The following LRRTM4 variants were observed in gnomAD, a reference collection of about 807,000 sequenced individuals.
LRRTM4 encodes leucine-rich repeat transmembrane neuronal protein 4.
Under a neutral mutation model 47.6 loss-of-function variants are expected in LRRTM4, and 25 were observed. The ratio of observed to expected loss-of-function variants is 0.53; its 90% CI spans 0.38 to 0.73. LRRTM4 has a LOEUF of 0.73. Among genes scored for constraint, LRRTM4 ranks in the 30% least tolerant of loss-of-function variants. The pLI is 0.00. For missense variants in LRRTM4, 638 were observed against 713.4 expected (o/e 0.89, Z 1.20); for synonymous variants, 311 against 269.5 (o/e 1.15, Z -1.51).
intron 3 of LRRTM4, among the ~76,000 whole-genome samples, chr2:76,855,271 T>A (rs1348461094): frequency 4.6e-5 from 7 of 152,186 alleles, no homozygotes; most frequent in Non-Finnish European, 8.8e-5. Context: ...CTGAAATAAC[T>A]GAAGAAAAGT....
In LRRTM4 at chr2:76,787,731, T is replaced by C. The variant is rs1047767932; in HGVS notation, c.1552-38815A>G. ...TATCCCATGGGACTTGTTTTGCAAC[T>C]ATGAAAAGAAATTCTTATCTAAAAA... is the stretch of plus-strand genomic sequence containing the variant. On this transcript the variant is annotated intron_variant, in intron 3 of 3. Coordinates refer to ENST00000409884, the MANE Select transcript of LRRTM4 (RefSeq NM_001134745.3). Among the ~76,000 whole-genome samples, 5 of 152,214 alleles carry C rather than the reference T, an allele frequency of 3.3e-5. No homozygotes were observed. In the South Asian group the frequency reaches 6.2e-4, roughly 19 times the overall value.
intron 3 of LRRTM4, among the ~76,000 whole-genome samples, chr2:76,785,047 G>C (rs1006018498): frequency 1.3e-5 from 2 of 152,030 alleles, no homozygotes; most frequent in Non-Finnish European, 2.9e-5. Flanking sequence ...TAATATGACT[G>C]TATGAACATT....
chr2:77,044,219 C>G (rs538667957), intron 3 of LRRTM4, among the ~76,000 whole-genome samples: 12 of 151,560 alleles, frequency 7.9e-5, no homozygotes, highest in Non-Finnish European at 1.3e-4. Flanking sequence ...ACCTGAGTAC[C>G]CTGAACACTT....
intron 3 of LRRTM4, among the ~76,000 whole-genome samples, chr2:77,240,266 T>C (rs1249643178): frequency 6.6e-6 from 1 of 151,872 alleles, no homozygotes; most frequent in Admixed American, 6.6e-5. Flanking sequence ...TCAAAATTAG[T>C]GGATGCAATC....
intron 3 of LRRTM4, among the ~76,000 whole-genome samples, chr2:77,299,426 T>C (rs1046879650): frequency 6.6e-6 from 1 of 151,820 alleles, no homozygotes; most frequent in African/African-American, 2.4e-5. Context: ...CACACAGATA[T>C]CACAGTCTTA....
rs180790285 is a variant in LRRTM4, at chr2:77,463,788, A to C, written c.1551+54530T>G. On this transcript the variant is annotated intron_variant, in intron 3 of 3. Transcript: ENST00000409884. Reference sequence around the variant, plus strand: ...CAACAGCAGCTGTAGTGATATATCGAATAGTGTTAGCATAGCAGGGAATTG... The same window carrying C: ...CAACAGCAGCTGTAGTGATATATCGCATAGTGTTAGCATAGCAGGGAATTG... Among the ~76,000 whole-genome samples the C allele has an allele frequency of 7.9e-4, 121 of 152,222 alleles. 1 individual carries two copies. Among genetic ancestry groups the C allele is most frequent in the Admixed American group, 2.3e-3 (35 of 15,258 alleles).
At chr2:76,765,969 T>C (rs1218740215) in intron 3 of LRRTM4, among the ~76,000 whole-genome samples, 2 of 152,222 alleles carry the variant, frequency 1.3e-5, no homozygotes, top group African/African-American at 4.8e-5. Context: ...TGAGTGAAAT[T>C]CTGCAATTTA....
intron 3 of LRRTM4, among the ~76,000 whole-genome samples, chr2:76,782,975 A>AG (rs1674482117): frequency 6.6e-6 from 1 of 152,192 alleles, no homozygotes; most frequent in South Asian, 2.1e-4. Context: ...AGATTTCTTA[A>AG]AAATTCCTTT....
intron 3 of LRRTM4, among the ~76,000 whole-genome samples, chr2:76,845,228 C>T (rs929590724): frequency 1.7e-4 from 26 of 152,254 alleles, no homozygotes; most frequent in African/African-American, 5.5e-4. Flanking sequence ...CGGTGGCTCA[C>T]GTCTGTAATT....
At chr2:77,480,133 C>A (rs113988410) in intron 3 of LRRTM4, among the ~76,000 whole-genome samples, 31 of 152,192 alleles carry the variant, frequency 2.0e-4, no homozygotes, top group African/African-American at 6.3e-4. Context: ...CTGACTCAGC[C>A]CATGCTCCTA....
intron 3 of LRRTM4, among the ~76,000 whole-genome samples, chr2:77,132,907 G>A (rs1044419971): frequency 6.6e-6 from 1 of 152,082 alleles, no homozygotes; most frequent in African/African-American, 2.4e-5. Context: ...ACATTGGGAG[G>A]GAAGTGGAGG....
At chr2:76,836,980 G>A (rs1462541625) in intron 3 of LRRTM4, among the ~76,000 whole-genome samples, 1 of 152,036 alleles carries the variant, frequency 6.6e-6, no homozygotes, top group Non-Finnish European at 1.5e-5. Context: ...TCCTCATGTT[G>A]TAAGTTACTC....
intron 3 of LRRTM4, among the ~76,000 whole-genome samples, chr2:76,912,705 A>T (rs751687143): frequency 1.3e-5 from 2 of 151,968 alleles, no homozygotes; most frequent in Non-Finnish European, 2.9e-5. Flanking sequence ...TTATTGGATC[A>T]TGAGGGTTGT....
chr2:76,889,211 C>T (rs759393420), intron 3 of LRRTM4, among the ~76,000 whole-genome samples: 2 of 151,830 alleles, frequency 1.3e-5, no homozygotes, highest in African/African-American at 2.4e-5. Flanking sequence ...TTATCTTGAT[C>T]GCCATTTTAC....
chr2:77,485,281 G>A (rs1487331035), intron 3 of LRRTM4, among the ~76,000 whole-genome samples: 1 of 152,110 alleles, frequency 6.6e-6, no homozygotes, highest in Non-Finnish European at 1.5e-5. Flanking sequence ...AAGAGACCAA[G>A]TAAACCTTGG....
At chr2:77,464,399 A>C (rs1478247389) in intron 3 of LRRTM4, among the ~76,000 whole-genome samples, 1 of 152,164 alleles carries the variant, frequency 6.6e-6, no homozygotes, top group Non-Finnish European at 1.5e-5. Flanking sequence ...TTAAATAGTC[A>C]CATTAAAAAT....
chr2:76,921,788 T>A (rs1674440925), intron 3 of LRRTM4, among the ~76,000 whole-genome samples: 1 of 152,202 alleles, frequency 6.6e-6, no homozygotes, highest in African/African-American at 2.4e-5. Context: ...TATAAGATGT[T>A]CTAGGGTCAT....
At chr2:77,092,171 T>C (rs1337239066) in intron 3 of LRRTM4, among the ~76,000 whole-genome samples, 1 of 152,170 alleles carries the variant, frequency 6.6e-6, no homozygotes, top group Non-Finnish European at 1.5e-5. Flanking sequence ...CTCCTTCAGC[T>C]GTACTCACTC....
At chr2:77,212,165 T>C (rs959760732) in intron 3 of LRRTM4, among the ~76,000 whole-genome samples, 1 of 151,992 alleles carries the variant, frequency 6.6e-6, no homozygotes, top group African/African-American at 2.4e-5. Context: ...CAAAATGACA[T>C]ATCTAGGTTT....
Sources: allele counts gnomAD v4.1 joint callset (sites outside exome capture counted in the v4.1 genomes callset), GRCh38; gene constraint gnomAD v4.1.1; transcripts MANE v1.5; gene names NCBI Gene and HGNC (gene_info 2026-07-23, HGNC 2026-07-21).